KLHL18: variants seen among roughly 807,000 people sequenced by gnomAD.
KLHL18 encodes the protein kelch-like protein 18.
KLHL18 carries 38 observed loss-of-function variants against 58.5 expected under a neutral mutation model. The observed-to-expected ratio is 0.65, with a 90% CI of 0.50 to 0.85. The LOEUF is 0.85. KLHL18 is among the 40% of genes least tolerant of loss of function. The pLI is 0.00. For synonymous variants in KLHL18, 303 were observed against 301.9 expected, an observed-to-expected ratio of 1.00 and a Z score of -0.04; for missense variants, 624 against 778.4, an observed-to-expected ratio of 0.80 and a Z score of 2.36.
At chr3:47,341,044 G>A (rs1204378216) in intron 8 of KLHL18, among the ~76,000 whole-genome samples, 1 of 152,132 alleles carries the variant, frequency 6.6e-6, no homozygotes, top group Non-Finnish European at 1.5e-5. Context: ...AAGTTCTGTG[G>A]TCAGATAGGC....
intron 1 of KLHL18, among the ~76,000 whole-genome samples, chr3:47,303,121 T>G (rs1333825565): frequency 6.6e-6 from 1 of 152,264 alleles, no homozygotes; most frequent in Non-Finnish European, 1.5e-5. Flanking sequence ...GTACAACAGC[T>G]GAACAGCTTT....
intron 3 of KLHL18, among the ~76,000 whole-genome samples, chr3:47,328,321 G>A (rs1464740055): frequency 6.6e-6 from 1 of 151,190 alleles, no homozygotes; most frequent in Non-Finnish European, 1.5e-5. Context: ...AGCCATAATT[G>A]CACCACTACA....
chr3:47,309,724 G>A, intron 1 of KLHL18, among the ~76,000 whole-genome samples: 1 of 152,224 alleles, frequency 6.6e-6, no homozygotes. Context: ...AGCACTGAGT[G>A]AACGAGACTC....
intron 2 of KLHL18, among the ~76,000 whole-genome samples, chr3:47,321,133 C>A (rs1703574664): frequency 6.6e-6 from 1 of 152,080 alleles, no homozygotes; most frequent in Admixed American, 6.6e-5. Context: ...AGTGAGAAAA[C>A]AGCACCTCTT....
chr3:47,296,788 A>C (rs1358721518), intron 1 of KLHL18, among the ~76,000 whole-genome samples: 1 of 152,220 alleles, frequency 6.6e-6, no homozygotes, highest in Non-Finnish European at 1.5e-5. Flanking sequence ...TAAATAAGTA[A>C]GACATAGAGG....
intron 2 of KLHL18, among the ~76,000 whole-genome samples, chr3:47,321,485 G>C (rs1485051912): frequency 6.6e-6 from 1 of 152,064 alleles, no homozygotes; most frequent in Non-Finnish European, 1.5e-5. Flanking sequence ...AAGTAGCTGG[G>C]ACTACAGGCT....
intron 4 of KLHL18, among the ~76,000 whole-genome samples, chr3:47,331,152 T>C (rs573805579): frequency 6.6e-6 from 1 of 151,964 alleles, no homozygotes; most frequent in Admixed American, 6.6e-5. Context: ...AGAAAGAATC[T>C]TGCTCCAACG....
At chr3:47,301,777 T>C (rs1488822349) in intron 1 of KLHL18, among the ~76,000 whole-genome samples, 2 of 152,204 alleles carry the variant, frequency 1.3e-5, no homozygotes, top group East Asian at 3.9e-4. Flanking sequence ...AAACAGTCAA[T>C]TAACTTTGTT....
Position 47,319,751 on chromosome 3 carries a change from G to A in KLHL18, c.228G>A (p.Gln76=). The A allele has an allele frequency of 6.2e-7, 1 of 1,613,970 alleles. No individual in the cohort carries two copies. Among genetic ancestry groups the A allele is most frequent in the East Asian group, 2.2e-5 (1 of 44,890 alleles). Residue 76 remains glutamine, a synonymous_variant, in exon 2 of 10, where the codon CAG becomes CAA. Transcript: ENST00000232766. The part of the protein sequence containing the change: ...MFTNDMMECK[Q]DEIVMQGMDP... ...CAAATGACATGATGGAGTGCAAGCAGGATGAGATTGTAATGCAAGGAATGG... is the reference window on the plus strand; with the variant it reads ...CAAATGACATGATGGAGTGCAAGCAAGATGAGATTGTAATGCAAGGAATGG...
At chr3:47,319,514 T>G (rs1576164960) in intron 1 of KLHL18, 139 bp from the exon 2 acceptor site, 1 of 794,654 alleles carries the variant, frequency 1.3e-6, no homozygotes, top group Non-Finnish European at 2.0e-6. Flanking sequence ...CTCCATGCCC[T>G]GGGATGCCTT....
In KLHL18 at chr3:47,319,781, A is replaced by C. The variant is rs1398874585; in HGVS notation, c.258A>C (p.Pro86=). ...QDEIVMQGMD[P]SALEALINFA... ...AGATTGTAATGCAAGGAATGGACCC[A>C]AGGTACTGAATCCCACCATTAGGTT... The change falls in exon 2 of 10, where the codon CCA becomes CCC. Residue 86 remains proline, a splice_region_variant and synonymous_variant. Coordinates refer to ENST00000232766, the MANE Select transcript of KLHL18 (RefSeq NM_025010.5). The C allele has an allele frequency of 1.2e-6, 2 of 1,613,342 alleles. No individual in the cohort carries two copies. The highest frequency in any genetic ancestry group is 1.7e-6 in the Non-Finnish European group (2 of 1,179,428).
At chr3:47,324,531 T>G (rs1376404652) in intron 3 of KLHL18, among the ~76,000 whole-genome samples, 1 of 151,864 alleles carries the variant, frequency 6.6e-6, no homozygotes, top group Non-Finnish European at 1.5e-5. Flanking sequence ...ATCTAAAAGT[T>G]GCTTAGAAAA....
At chr3:47,316,501 GTATATATATACATATATACATA>G (rs1274110525) in intron 1 of KLHL18, among the ~76,000 whole-genome samples, 2 of 121,432 alleles carry the variant, frequency 1.6e-5, no homozygotes, top group African/African-American at 6.8e-5. Context: ...ACATATATAT[GTATATATATACATATATACATA>G]TATATGTATA....
intron 6 of KLHL18, among the ~76,000 whole-genome samples, chr3:47,335,790 G>A (rs951907379): frequency 3.3e-5 from 5 of 152,282 alleles, no homozygotes; most frequent in Admixed American, 2.0e-4. Context: ...TTACAGGTGT[G>A]AGCCACCGCA....
intron 1 of KLHL18, among the ~76,000 whole-genome samples, chr3:47,288,332 C>T (rs956279117): frequency 6.6e-6 from 1 of 151,832 alleles, no homozygotes; most frequent in Non-Finnish European, 1.5e-5. Context: ...TACTCAAGGT[C>T]ACAGGTTGAG....
intron 7 of KLHL18, chr3:47,337,844 T>C (rs921454903): frequency 1.3e-5 from 2 of 152,280 alleles, no homozygotes; most frequent in Non-Finnish European, 1.5e-5. Context: ...TTTGAGTGAC[T>C]CATTGCTCCG....
chr3:47,283,266 G>C (rs1416145067), intron 1 of KLHL18, 172 bp downstream of exon 1: 1 of 638,082 alleles, frequency 1.6e-6, no homozygotes, highest in East Asian at 2.9e-5. Flanking sequence ...TCGGGGCCGA[G>C]TGGGGAGAGG....
chr3:47,285,940 T>C (rs1168655562), intron 1 of KLHL18, among the ~76,000 whole-genome samples: 1 of 151,488 alleles, frequency 6.6e-6, no homozygotes, highest in Non-Finnish European at 1.5e-5. Flanking sequence ...CTCAGGAGGC[T>C]GAGGTGGGAG....
Position 47,333,190 on chromosome 3 carries a change from G to C in KLHL18, c.634G>C (p.Asp212His), listed in dbSNP as rs147834934. The C allele has an allele frequency of 2.5e-6, 4 of 1,614,030 alleles. No homozygotes were observed. Among genetic ancestry groups the C allele is most frequent in the Non-Finnish European group, 8.5e-7 (1 of 1,179,962 alleles). The change falls in exon 5 of 10, where the codon GAC (aspartate) becomes CAC (histidine). Residue 212 changes from aspartate to histidine, a missense_variant. Transcript: ENST00000232766. ...AGCTGCATTGGCCTGGGTCAGATACGACCGGGAGCAGAGGGGTCCCTACCT... is the reference window on the plus strand; with the variant it reads ...AGCTGCATTGGCCTGGGTCAGATACCACCGGGAGCAGAGGGGTCCCTACCT... The part of the protein sequence containing the change: ...FEAALAWVRY[D>H]REQRGPYLPE...
Sources: gnomAD v4.1 joint callset for allele counts (sites outside exome capture counted in the v4.1 genomes callset) on GRCh38, gnomAD v4.1.1 for gene constraint, MANE v1.5 for transcripts, NCBI Gene and HGNC (gene_info 2026-07-23, HGNC 2026-07-21) for gene names.